The following MALRD1 variants were observed in gnomAD, a reference collection of about 807,000 sequenced individuals.
The protein encoded by MALRD1 is MAM and LDL receptor class A domain containing 1.
Under a neutral mutation model 242.1 loss-of-function variants are expected in MALRD1, and 247 were observed. The observed-to-expected ratio is 1.02, with a 90% CI of 0.92 to 1.13. The LOEUF is 1.13. Among genes scored for constraint, MALRD1 ranks in the 50% most tolerant of loss-of-function variants. MALRD1 has a pLI of 0.00. For missense variants in MALRD1, 2,989 were observed against 2,533.1 expected, an observed-to-expected ratio of 1.18 and a Z score of -3.86; for synonymous variants, 995 against 866.6, an observed-to-expected ratio of 1.15 and a Z score of -2.60.
At chr10:19,580,900 G>A (rs148660070) in intron 33 of MALRD1, among the ~76,000 whole-genome samples, 20 of 152,028 alleles carry the variant, frequency 1.3e-4, no homozygotes, top group South Asian at 4.2e-4. Context: ...ACTTTCCCAC[G>A]CATGCCAGGA....
At chr10:19,233,694 C>CA (rs1474654418) in intron 18 of MALRD1, among the ~76,000 whole-genome samples, 2 of 151,644 alleles carry the variant, frequency 1.3e-5, no homozygotes, top group South Asian at 2.1e-4. Context: ...ATGTTTAATA[C>CA]AAAGCATAGC....
At chr10:19,110,028 G>C (rs187293402) in intron 5 of MALRD1, among the ~76,000 whole-genome samples, 6 of 151,984 alleles carry the variant, frequency 3.9e-5, no homozygotes, top group Non-Finnish European at 8.8e-5. Context: ...GTAAAGATAG[G>C]GTATTTTCTT....
At chr10:19,672,677 G>A (rs185266814) in intron 36 of MALRD1, among the ~76,000 whole-genome samples, 1 of 152,160 alleles carries the variant, frequency 6.6e-6, no homozygotes, top group East Asian at 1.9e-4. Context: ...GTCTGCCTCG[G>A]CCTCCCAAAG....
At chr10:19,088,226 A>G in intron 4 of MALRD1, 41 bp downstream of exon 4, 11 of 1,228,766 alleles carry the variant, frequency 9.0e-6, no homozygotes, top group Non-Finnish European at 1.1e-5. Flanking sequence ...TTGAAGAAAA[A>G]TAAGATACAG....
At chr10:19,573,128 G>A (rs997411643) in intron 33 of MALRD1, among the ~76,000 whole-genome samples, 6 of 152,140 alleles carry the variant, frequency 3.9e-5, no homozygotes, top group Non-Finnish European at 8.8e-5. Context: ...TCTGGGAAGG[G>A]ACCCCACTGA....
intron 36 of MALRD1, among the ~76,000 whole-genome samples, chr10:19,675,603 C>T (rs1013476156): frequency 6.6e-6 from 1 of 152,126 alleles, no homozygotes; most frequent in African/African-American, 2.4e-5. Context: ...CCAGATGATT[C>T]TGATGCATGC....
At chr10:19,528,505 A>C (rs1266912257) in intron 31 of MALRD1, among the ~76,000 whole-genome samples, 1 of 152,092 alleles carries the variant, frequency 6.6e-6, no homozygotes, top group Non-Finnish European at 1.5e-5. Context: ...AGGCAGGAGA[A>C]CCGCTTGAAC....
chr10:19,559,653 A>G (rs1249440175), intron 32 of MALRD1, among the ~76,000 whole-genome samples: 1 of 152,168 alleles, frequency 6.6e-6, no homozygotes, highest in East Asian at 1.9e-4. Flanking sequence ...TTCTAATTAA[A>G]CTAAAGGACT....
At chr10:19,477,323 C>T (rs990226260) in intron 29 of MALRD1, among the ~76,000 whole-genome samples, 2 of 151,970 alleles carry the variant, frequency 1.3e-5, no homozygotes, top group African/African-American at 4.8e-5. Context: ...TTCAAAACTC[C>T]ATAACATTTT....
At position 19,343,302 on chromosome 10, in the gene MALRD1, A is replaced by G. The variant is rs189615798; in HGVS notation, c.3902-4469A>G. ...AAGAGAGTGCAGAAAAATACTATGT[A>G]CCCTTCATGCATTTTTCCCTCAGTG... is the stretch of plus-strand genomic sequence containing the variant. On this transcript the variant is annotated intron_variant, in intron 24 of 39. Coordinates refer to ENST00000454679, the MANE Select transcript of MALRD1 (RefSeq NM_001142308.3). Among the ~76,000 whole-genome samples, 4 of 152,210 alleles carry G rather than the reference A, an allele frequency of 2.6e-5. No homozygotes were observed. The East Asian group carries it at 7.7e-4, about 29-fold the overall frequency.
chr10:19,702,489 C>T (rs552478236), intron 38 of MALRD1, among the ~76,000 whole-genome samples: 11 of 152,252 alleles, frequency 7.2e-5, no homozygotes, highest in African/African-American at 2.2e-4. Context: ...CAGCTATTTC[C>T]ATATTAATCC....
chr10:19,490,438 C>T (rs559139133), intron 29 of MALRD1, among the ~76,000 whole-genome samples: 5 of 141,958 alleles, frequency 3.5e-5, no homozygotes, highest in Admixed American at 1.5e-4. Context: ...GCATACCTCT[C>T]GTTAAAACTG....
intron 21 of MALRD1, among the ~76,000 whole-genome samples, chr10:19,323,365 G>C (rs912840556): frequency 6.6e-6 from 1 of 151,974 alleles, no homozygotes; most frequent in Non-Finnish European, 1.5e-5. Flanking sequence ...AGTATTAGTG[G>C]TATTATTGCA....
intron 31 of MALRD1, among the ~76,000 whole-genome samples, chr10:19,530,269 G>T (rs1330778068): frequency 6.9e-6 from 1 of 145,292 alleles, no homozygotes; most frequent in East Asian, 2.0e-4. Flanking sequence ...AAAAAATTGT[G>T]TATTCATTTT....
chr10:19,623,709 C>T (rs1839511060), intron 36 of MALRD1, among the ~76,000 whole-genome samples: 1 of 152,098 alleles, frequency 6.6e-6, no homozygotes, highest in Admixed American at 6.5e-5. Context: ...CAAGAAGGAA[C>T]CACTTCCCTC....
chr10:19,063,151 CAA>C lies in MALRD1; in HGVS notation c.200-3560_200-3559del, dbSNP rs1375060091. The stretch of plus-strand genomic sequence containing the variant: ...ACAGAGCAAGACCCTGTCCCCCCCC[CAA>C]AAAAAAAGTTTATGTAATGTATATT... On this transcript the variant is annotated intron_variant, in intron 1 of 39. Coordinates refer to ENST00000454679, the MANE Select transcript of MALRD1 (RefSeq NM_001142308.3). Among the ~76,000 whole-genome samples the C allele has an allele frequency of 2.0e-4, 30 of 150,064 alleles. No homozygotes were observed. The South Asian group carries it at 2.7e-3, about 14-fold the overall frequency.
intron 28 of MALRD1, among the ~76,000 whole-genome samples, chr10:19,424,888 G>A (rs1234783434): frequency 1.3e-5 from 2 of 151,696 alleles, no homozygotes; most frequent in Admixed American, 1.3e-4. Flanking sequence ...GCTGACAAAA[G>A]GGTGGCTCTT....
intron 29 of MALRD1, among the ~76,000 whole-genome samples, chr10:19,456,742 A>G (rs1835670510): frequency 7.3e-6 from 1 of 136,082 alleles, no homozygotes; most frequent in South Asian, 2.5e-4. Context: ...TGAAATAATT[A>G]AAAGTGACAT....
At chr10:19,732,711 G>A (rs1022308140) in intron 39 of MALRD1, among the ~76,000 whole-genome samples, 2 of 152,044 alleles carry the variant, frequency 1.3e-5, no homozygotes, top group African/African-American at 4.8e-5. Flanking sequence ...AAAGTGGCTC[G>A]ATAGGTATTA....
Sources: gnomAD v4.1 joint callset for allele counts (sites outside exome capture counted in the v4.1 genomes callset) on GRCh38, gnomAD v4.1.1 for gene constraint, MANE v1.5 for transcripts, NCBI Gene and HGNC (gene_info 2026-07-23, HGNC 2026-07-21) for gene names.